The following ACTR3B variants were observed in gnomAD, a reference collection of about 807,000 sequenced individuals.
ACTR3B encodes actin-related protein 3B.
In ACTR3B, 8 loss-of-function variants were observed where a neutral mutation model predicts 59.0. That is an observed-to-expected ratio of 0.14 (90% CI 0.08 to 0.24). ACTR3B has a LOEUF of 0.24. Ranked by LOEUF, ACTR3B falls within the 10% of genes least tolerant of loss-of-function variation. The pLI is 1.00. For missense variants in ACTR3B, 245 were observed against 552.3 expected (o/e 0.44, Z 5.58); for synonymous variants, 148 against 197.9 (o/e 0.75, Z 2.12).
At chr7:152,780,880 C>T (rs1223403893) in intron 1 of ACTR3B, among the ~76,000 whole-genome samples, 1 of 144,194 alleles carries the variant, frequency 6.9e-6, no homozygotes, top group Non-Finnish European at 1.5e-5. Context: ...GGATCTCGCT[C>T]TGTCACCCGG....
At chr7:152,788,411 GTTTTTTTTT>G (rs1194612264) in intron 2 of ACTR3B, among the ~76,000 whole-genome samples, 2 of 130,816 alleles carry the variant, frequency 1.5e-5, no homozygotes, top group Non-Finnish European at 3.2e-5. Context: ...ATGTTCTAAA[GTTTTTTTTT>G]TTTTTTTTTG....
At chr7:152,807,779 G>A (rs1057007014) in intron 4 of ACTR3B, among the ~76,000 whole-genome samples, 54 of 152,142 alleles carry the variant, frequency 3.5e-4, no homozygotes, top group Admixed American at 2.0e-4. Context: ...TTTGCGAGCT[G>A]TCTGTTCATG....
rs1159929743 is a variant in ACTR3B, at chr7:152,823,199, T to C, written c.685-143T>C. Reference sequence around the variant, plus strand: ...ATGAAAGACGATGGAATGTGAGGCTTGATGCATATCCACACTAGAGTTACG... The same window carrying C: ...ATGAAAGACGATGGAATGTGAGGCTCGATGCATATCCACACTAGAGTTACG... On this transcript the variant is annotated intron_variant, in intron 7 of 11. Transcript: ENST00000256001. The C allele has an allele frequency of 4.5e-6, 5 of 1,113,548 alleles. No homozygotes were observed. The Admixed American group carries it at 8.3e-5, about 19-fold the overall frequency. The allele number at this position is 1,113,548 out of a possible 1,614,324, so 69.0% of individuals were successfully genotyped here. A position where few individuals can be genotyped will look rare whatever the true frequency, so the allele number is the denominator to read the frequency against.
chr7:152,843,393 T>C (rs1182829152), intron 9 of ACTR3B, among the ~76,000 whole-genome samples: 1 of 152,254 alleles, frequency 6.6e-6, no homozygotes, highest in Non-Finnish European at 1.5e-5. Flanking sequence ...ATGTTCATCC[T>C]CTCACTCCAT....
chr7:152,851,780 G>C (rs955703167), intron 9 of ACTR3B, among the ~76,000 whole-genome samples: 27 of 152,150 alleles, frequency 1.8e-4, no homozygotes, highest in African/African-American at 6.5e-4. Context: ...GGGAGAGCTG[G>C]TGTTATTTTG....
rs570046498 is a variant in ACTR3B, at chr7:152,792,542, A to G, written c.101-7989A>G. Among the ~76,000 whole-genome samples the G allele has an allele frequency of 1.3e-3, 203 of 151,926 alleles. 1 individual carries two copies. The highest frequency in any genetic ancestry group is 4.6e-3 in the African/African-American group (192 of 41,470). On this transcript the variant is annotated intron_variant, in intron 2 of 11. Transcript: ENST00000256001. ...AGGCAGGCGGGTCATGAGGTCAAGA[A>G]TTGAGACCATCCTGGCCAACATGGT... is the stretch of plus-strand genomic sequence containing the variant.
rs148492658 is a variant in ACTR3B at position 152,854,781 on chromosome 7, C to T, written c.*228C>T. 115 of 500,186 alleles carry T rather than the reference C, an allele frequency of 2.3e-4. 1 individual carries two copies. In the East Asian group the frequency reaches 3.6e-3, roughly 16 times the overall value. 31.0% of individuals were successfully genotyped at this position (500,186 alleles called of 1,614,324 possible). ...CCTTCTCCCGCCCTCCTCACCCTCG[C>T]TCTCCCTCCTCCTCCTCCTCCGAGC... On this transcript the variant is annotated 3_prime_UTR_variant, in exon 12 of 12. Coordinates refer to ENST00000256001, the MANE Select transcript of ACTR3B (RefSeq NM_020445.6). The surrounding 1 kb of genome is among the most constrained non-coding windows in gnomAD (Gnocchi z 4.9).
At chr7:152,850,605 G>A (rs1469579884) in intron 9 of ACTR3B, among the ~76,000 whole-genome samples, 1 of 152,254 alleles carries the variant, frequency 6.6e-6, no homozygotes, top group Non-Finnish European at 1.5e-5. Flanking sequence ...CTGAGTCCAC[G>A]TGGGTGCTGT....
At chr7:152,853,262 G>A (rs535995955) in intron 10 of ACTR3B, among the ~76,000 whole-genome samples, 1 of 152,192 alleles carries the variant, frequency 6.6e-6, no homozygotes, top group East Asian at 1.9e-4. Flanking sequence ...AGAGGGAGGT[G>A]CTGCTTGCCG....
In ACTR3B at chr7:152,795,340, C is replaced by T. The variant is rs937968839; in HGVS notation, c.101-5191C>T. Reference sequence around the variant, plus strand: ...GGGATTACAGGCGTGAGCCACTGCTCCTGGCCTCAAATTCACTCTTATAGC... The same window carrying T: ...GGGATTACAGGCGTGAGCCACTGCTTCTGGCCTCAAATTCACTCTTATAGC... On this transcript the variant is annotated intron_variant, in intron 2 of 11. Coordinates refer to ENST00000256001, the MANE Select transcript of ACTR3B (RefSeq NM_020445.6). Among the ~76,000 whole-genome samples the T allele has an allele frequency of 3.4e-4, 52 of 152,330 alleles. 1 individual carries two copies. The highest frequency in any genetic ancestry group is 3.3e-3 in the Admixed American group (51 of 15,300).
intron 4 of ACTR3B, among the ~76,000 whole-genome samples, chr7:152,801,999 T>C (rs2098238314): frequency 6.6e-6 from 1 of 152,140 alleles, no homozygotes; most frequent in African/African-American, 2.4e-5. Context: ...CCTAGGGCAC[T>C]AGCTGGAGCT....
At chr7:152,811,881 CTT>C (rs1795267510) in intron 4 of ACTR3B, 1 of 147,630 alleles carries the variant, frequency 6.8e-6, no homozygotes, top group African/African-American at 2.5e-5. Context: ...TAAATAATAT[CTT>C]TTGATTTCAC....
intron 9 of ACTR3B, among the ~76,000 whole-genome samples, chr7:152,828,953 C>A (rs1320421252): frequency 1.3e-5 from 2 of 151,944 alleles, no homozygotes; most frequent in East Asian, 3.9e-4. Flanking sequence ...GTTTTTTCTC[C>A]TAGCTTTATT....
At chr7:152,835,917 C>T (rs950869417) in intron 9 of ACTR3B, among the ~76,000 whole-genome samples, 7 of 151,136 alleles carry the variant, frequency 4.6e-5, no homozygotes, top group Admixed American at 2.0e-4. Context: ...CTGGCCCATG[C>T]GAGGTGCTCA....
At chr7:152,789,035 C>CA (rs1172009360) in intron 2 of ACTR3B, among the ~76,000 whole-genome samples, 12 of 104,620 alleles carry the variant, frequency 1.1e-4, no homozygotes, top group African/African-American at 3.4e-4. Flanking sequence ...ACAACAACAA[C>CA]AACAACAACA....
chr7:152,777,969 A>T (rs1315441353), intron 1 of ACTR3B, among the ~76,000 whole-genome samples: 1 of 151,870 alleles, frequency 6.6e-6, no homozygotes, highest in African/African-American at 2.4e-5. Context: ...AAAAAGAATT[A>T]AATTTTAATC....
At chr7:152,845,882 A>G (rs1015595810) in intron 9 of ACTR3B, among the ~76,000 whole-genome samples, 2 of 152,264 alleles carry the variant, frequency 1.3e-5, no homozygotes, top group African/African-American at 4.8e-5. Context: ...CAGCCATGAA[A>G]TGATTTTTGT....
rs950960206 is a variant in ACTR3B, at chr7:152,783,982, C to T, written c.100+740C>T. Reference sequence around the variant, plus strand: ...GCAAGTACCTGTAATCCCAGCGACTCGGGAGGCTGAGGCAGGAGAATCACT... The same window carrying T: ...GCAAGTACCTGTAATCCCAGCGACTTGGGAGGCTGAGGCAGGAGAATCACT... On this transcript the variant is annotated intron_variant, in intron 2 of 11. Coordinates refer to ENST00000256001, the MANE Select transcript of ACTR3B (RefSeq NM_020445.6). Among the ~76,000 whole-genome samples, 8 of 151,812 alleles carry T rather than the reference C, an allele frequency of 5.3e-5. No homozygotes were observed. The East Asian group carries it at 7.8e-4, about 15-fold the overall frequency.
At chr7:152,795,865 G>A (rs1199330895) in intron 2 of ACTR3B, among the ~76,000 whole-genome samples, 4 of 150,078 alleles carry the variant, frequency 2.7e-5, no homozygotes, top group Non-Finnish European at 4.4e-5. Context: ...TTTTTTGGAG[G>A]CGGTGTCTTG....
Sources: gnomAD v4.1 joint callset for allele counts (sites outside exome capture counted in the v4.1 genomes callset) on GRCh38, gnomAD v4.1.1 for gene constraint, Gnocchi (gnomAD v3.1) non-coding constraint, MANE v1.5 for transcripts, NCBI Gene and HGNC (gene_info 2026-07-23, HGNC 2026-07-21) for gene names.